The following BCL7A variants were observed in gnomAD, a reference collection of about 807,000 sequenced individuals.
The protein encoded by BCL7A is BAF chromatin remodeling complex subunit BCL7A, also known as B-cell CLL/lymphoma 7 protein family member A.
In BCL7A, 11 loss-of-function variants were observed where a neutral mutation model predicts 28.4. That is an observed-to-expected ratio of 0.39 (90% CI 0.24 to 0.64). The LOEUF is 0.64. Ranked by LOEUF, BCL7A falls within the 30% of genes least tolerant of loss-of-function variation. The pLI, the probability that BCL7A is intolerant of heterozygous loss-of-function variation, is 0.50. For missense variants in BCL7A, 222 were observed against 274.8 expected (o/e 0.81, Z 1.36); for synonymous variants, 123 against 103.3 (o/e 1.19, Z -1.15).
At chr12:122,043,529 T>C (rs886792209) in intron 3 of BCL7A, among the ~76,000 whole-genome samples, 3 of 151,984 alleles carry the variant, frequency 2.0e-5, no homozygotes, top group African/African-American at 7.2e-5. Context: ...TCCCACCACT[T>C]TGGGAGGCCG....
intron 1 of BCL7A, among the ~76,000 whole-genome samples, chr12:122,025,246 C>T (rs1468976425): frequency 3.3e-5 from 5 of 151,390 alleles, no homozygotes; most frequent in East Asian, 1.9e-4. Flanking sequence ...GCCTGTAATC[C>T]CAGAGCTTTG....
At chr12:122,057,076 G>T (rs1951884059) in intron 5 of BCL7A, among the ~76,000 whole-genome samples, 1 of 152,236 alleles carries the variant, frequency 6.6e-6, no homozygotes, top group African/African-American at 2.4e-5. Flanking sequence ...GTCCCACTAA[G>T]TGCCGTGAGA....
At chr12:122,035,546 T>C (rs534547697) in intron 3 of BCL7A, 119 bp downstream of exon 3, 3 of 869,940 alleles carry the variant, frequency 3.4e-6, no homozygotes, top group African/African-American at 3.4e-5. Flanking sequence ...GTAGGAGGGC[T>C]GGGCAGGGCC....
chr12:122,037,817 C>T (rs776581687), intron 3 of BCL7A, among the ~76,000 whole-genome samples: 23 of 152,166 alleles, frequency 1.5e-4, no homozygotes, highest in Non-Finnish European at 2.6e-4. Context: ...GGCGTGGGGG[C>T]GCGTGCCTGT....
intron 3 of BCL7A, among the ~76,000 whole-genome samples, chr12:122,036,030 G>T (rs569686639): frequency 6.6e-6 from 1 of 151,944 alleles, no homozygotes; most frequent in Non-Finnish European, 1.5e-5. Flanking sequence ...TTAGTAAGAC[G>T]GGGTTCCACC....
At chr12:122,039,641 G>A (rs1593028806) in intron 3 of BCL7A, among the ~76,000 whole-genome samples, 1 of 150,750 alleles carries the variant, frequency 6.6e-6, no homozygotes, top group East Asian at 1.9e-4. Context: ...ATCATTTGAA[G>A]TCAGGAGTTG....
At chr12:122,045,024 A>G (rs1295605018) in intron 4 of BCL7A, among the ~76,000 whole-genome samples, 1 of 152,236 alleles carries the variant, frequency 6.6e-6, no homozygotes, top group Middle Eastern at 3.4e-3. Flanking sequence ...CGACTGAGCA[A>G]GCCATGTGGG....
chr12:122,045,744 G>C (rs1884062985), intron 4 of BCL7A, among the ~76,000 whole-genome samples: 1 of 151,978 alleles, frequency 6.6e-6, no homozygotes. Context: ...GTAAGTTATA[G>C]ATCTCAGGAC....
intron 1 of BCL7A, among the ~76,000 whole-genome samples, chr12:122,022,559 G>C (rs567598319): frequency 2.1e-5 from 3 of 145,886 alleles, no homozygotes; most frequent in East Asian, 4.0e-4. Context: ...CATGAAAGCG[G>C]CTTCCCGCGC....
intron 4 of BCL7A, among the ~76,000 whole-genome samples, chr12:122,047,526 A>G (rs1486720669): frequency 1.4e-5 from 2 of 146,474 alleles, no homozygotes; most frequent in Non-Finnish European, 3.0e-5. Context: ...TCCGTCTCAG[A>G]AAAAAAAAAA....
intron 5 of BCL7A, among the ~76,000 whole-genome samples, chr12:122,055,892 C>T (rs1048018522): frequency 6.6e-6 from 1 of 152,224 alleles, no homozygotes; most frequent in Non-Finnish European, 1.5e-5. Flanking sequence ...GCTGGGATTA[C>T]AGGCGTGAGC....
At position 122,043,952 on chromosome 12, in the gene BCL7A, C is replaced by A; in HGVS notation, c.338C>A (p.Ser113Tyr). Residue 113 changes from serine (S) to tyrosine (Y), a missense_variant, in exon 4 of 6, where the codon TCC becomes TAC. Physicochemically the swap from Ser to Tyr is moderately radical, Grantham distance 144. This residue lies in a region of BCL7A where 155 missense variants were observed against 145.7 expected (regional missense o/e 1.06). Coordinates refer to ENST00000261822, the MANE Select transcript of BCL7A (RefSeq NM_001024808.3). ...ATCAAACAGGAGAACAGCAGCAACT[C>A]CAGCCCCGCTCCAGAGCCCAACTCG... is the stretch of plus-strand genomic sequence containing the variant. Reference protein sequence around the residue: ...SPIKQENSSNSSPAPEPNSAV... With the variant: ...SPIKQENSSNYSPAPEPNSAV... 6.2e-7 allele frequency: 1 copy of A among 1,614,034 alleles called. No homozygotes were observed. Among genetic ancestry groups the A allele is most frequent in the Non-Finnish European group, 8.5e-7 (1 of 1,180,028 alleles).
chr12:122,038,459 A>G (rs1195515680), intron 3 of BCL7A, among the ~76,000 whole-genome samples: 1 of 149,562 alleles, frequency 6.7e-6, no homozygotes, highest in Non-Finnish European at 1.5e-5. Context: ...AAAAAAAAAA[A>G]GAGCAGTGGG....
In BCL7A at chr12:122,021,958, G is replaced by GTA. The variant is rs1883467265; in HGVS notation, c.-134_-133insTA. ...TGTGTGTGTGTGTGTGTGTGTGTGT[G>GTA]AGTGTGTGCGTGTGAGAGTGCGAGT... On this transcript the variant is annotated 5_prime_UTR_variant, in exon 1 of 6. It removes the in-frame stop codon of an upstream open reading frame in the 5' UTR. Coordinates refer to ENST00000261822, the MANE Select transcript of BCL7A (RefSeq NM_001024808.3). The GTA allele has an allele frequency of 5.0e-6, 3 of 603,038 alleles. No homozygotes were observed. In the East Asian group the frequency reaches 9.3e-5, roughly 19 times the overall value. 37.4% of individuals were successfully genotyped at this position (603,038 alleles called of 1,614,324 possible). A position where few individuals can be genotyped will look rare whatever the true frequency, so the allele number is the denominator to read the frequency against.
Position 122,022,184 on chromosome 12 carries a change from G to T in BCL7A, c.92+1G>T, listed in dbSNP as rs780433687. The T allele has an allele frequency of 2.0e-6, 3 of 1,493,430 alleles. No homozygotes were observed. Among genetic ancestry groups the T allele is most frequent in the Admixed American group, 2.1e-5 (1 of 48,370 alleles). The allele number at this position is 1,493,430 out of a possible 1,614,324, so 92.5% of individuals were successfully genotyped here. A position where few individuals can be genotyped will look rare whatever the true frequency, so the allele number is the denominator to read the frequency against. The stretch of plus-strand genomic sequence containing the variant: ...CGGCGATCGAGAAAGTGCGCAAATG[G>T]TAAGCGGAGGCGCCCGCCGCCAGCC... On this transcript the variant is annotated splice_donor_variant, in intron 1 of 5. Transcript: ENST00000261822. LOFTEE classifies it high-confidence loss of function.
intron 2 of BCL7A, among the ~76,000 whole-genome samples, chr12:122,031,357 C>A (rs1249854520): frequency 2.0e-5 from 3 of 152,034 alleles, no homozygotes; most frequent in South Asian, 2.1e-4. Flanking sequence ...GCCGAGCGCC[C>A]CCCCCAGGGC....
intron 1 of BCL7A, among the ~76,000 whole-genome samples, chr12:122,025,428 T>G (rs575403815): frequency 6.7e-6 from 1 of 149,970 alleles, no homozygotes; most frequent in African/African-American, 2.5e-5. Context: ...ATCAAGACCA[T>G]CCTGGCAAAC....
intron 4 of BCL7A, among the ~76,000 whole-genome samples, chr12:122,049,862 A>C (rs1884155293): frequency 6.6e-6 from 1 of 151,990 alleles, no homozygotes; most frequent in South Asian, 2.1e-4. Context: ...CTGCATATGC[A>C]CTCAGAATGT....
intron 5 of BCL7A, among the ~76,000 whole-genome samples, chr12:122,055,184 A>C (rs1466112444): frequency 6.6e-6 from 1 of 152,172 alleles, no homozygotes; most frequent in African/African-American, 2.4e-5. Context: ...AGGGACCTTG[A>C]ACCCAGCCTC....
Sources: allele counts gnomAD v4.1 joint callset (sites outside exome capture counted in the v4.1 genomes callset), GRCh38; gene constraint gnomAD v4.1.1; regional missense constraint gnomAD v4.1.1; transcripts MANE v1.5; gene names NCBI Gene and HGNC (gene_info 2026-07-23, HGNC 2026-07-21).